Variants in NPC2 observed in about 807,000 individuals in gnomAD.
NPC2 encodes the protein NPC intracellular cholesterol transporter 2.
Under a neutral mutation model 17.0 loss-of-function variants are expected in NPC2, and 14 were observed. The ratio of observed to expected loss-of-function variants is 0.82; its 90% CI spans 0.54 to 1.29. The LOEUF (loss-of-function observed/expected upper bound fraction) is 1.29, where lower values mean the gene tolerates loss of function less well. NPC2 is among the 50% of genes most tolerant of loss of function. The pLI is 0.00. For missense variants in NPC2, 167 were observed against 183.4 expected (o/e 0.91, Z 0.52); for synonymous variants, 75 against 69.3 (o/e 1.08, Z -0.41).
Position 74,480,224 on chromosome 14 carries a change from A to C in NPC2, c.*50T>G, listed in dbSNP as rs2086640937. 6.2e-7 allele frequency: 1 copy of C among 1,614,162 alleles called. No individual in the cohort carries two copies. Among genetic ancestry groups the C allele is most frequent in the East Asian group, 2.2e-5 (1 of 44,884 alleles). Reference sequence around the variant, plus strand: ...AAGCAGCAGAGCTGGAGGTGCTGTCAAGAGTCTCAGCAGACTCATTGGCCA... The same window carrying C: ...AAGCAGCAGAGCTGGAGGTGCTGTCCAGAGTCTCAGCAGACTCATTGGCCA... On this transcript the variant is annotated 3_prime_UTR_variant, in exon 5 of 5. Transcript: ENST00000555619.
At position 74,479,963 on chromosome 14, in the gene NPC2, T is replaced by G; in HGVS notation, c.*311A>C. 3.0e-6 allele frequency: 4 copies of G among 1,319,752 alleles called. No individual in the cohort carries two copies. Among genetic ancestry groups the G allele is most frequent in the Non-Finnish European group, 3.9e-6 (4 of 1,028,174 alleles). 81.8% of individuals were successfully genotyped at this position (1,319,752 alleles called of 1,614,324 possible). On this transcript the variant is annotated 3_prime_UTR_variant, in exon 5 of 5. Transcript: ENST00000555619. ...CATGCAGAAGACAAGACAAACGAGT[T>G]TTTATTTATTCAAGAGTAAATTTCC... is the stretch of plus-strand genomic sequence containing the variant.
intron 3 of NPC2, 50 bp from the exon 4 acceptor site, chr14:74,480,829 C>T (rs200990026): frequency 6.9e-7 from 1 of 1,453,502 alleles, no homozygotes; most frequent in Admixed American, 1.7e-5. Flanking sequence ...GACCTGACTT[C>T]TATCCATAAT....
rs1438924785 is a variant in NPC2 at position 74,480,179 on chromosome 14, A to T, written c.*95T>A. On this transcript the variant is annotated 3_prime_UTR_variant, in exon 5 of 5. Transcript: ENST00000555619. ...TCAACGAATCACTGGATACCATTGG[A>T]GAGCAAGTCACTGTTGTTGAAGCAG... 1.9e-6 allele frequency: 3 copies of T among 1,613,026 alleles called. No homozygotes were observed. Among genetic ancestry groups the T allele is most frequent in the Non-Finnish European group, 2.5e-6 (3 of 1,179,670 alleles).
upstream of NPC2, chr14:74,493,499 G>C: frequency 1.1e-6 from 1 of 951,386 alleles, no homozygotes; most frequent in Admixed American, 2.5e-5. This position sits in a 1 kb window ranked among gnomAD's most constrained non-coding sequence, Gnocchi z 4.1. Flanking sequence ...TCAGAGGCCT[G>C]ACCCGCCCGG....
At position 74,480,030 on chromosome 14, in the gene NPC2, A is replaced by T. The variant is rs946800818; in HGVS notation, c.*244T>A. On this transcript the variant is annotated 3_prime_UTR_variant, in exon 5 of 5. Coordinates refer to ENST00000555619, the MANE Select transcript of NPC2 (RefSeq NM_006432.5). ...CACAAGTTAATGTTGTTAAAAAAAA[A>T]ATTAAACATCTGCTAACCAAGTGCT... 6 of 1,475,020 alleles carry T rather than the reference A, an allele frequency of 4.1e-6. No individual in the cohort carries two copies. In the African/African-American group the frequency reaches 8.5e-5, roughly 21 times the overall value. 91.4% of individuals were successfully genotyped at this position (1,475,020 alleles called of 1,614,324 possible).
At chr14:74,490,189 T>C (rs2086756634) in intron 1 of NPC2, among the ~76,000 whole-genome samples, 2 of 152,346 alleles carry the variant, frequency 1.3e-5, no homozygotes, top group South Asian at 4.1e-4. Context: ...GTCACCAGAT[T>C]AGCTCAGTAC....
At chr14:74,483,369 G>C (rs1468768515) in intron 3 of NPC2, 7 of 1,412,488 alleles carry the variant, frequency 5.0e-6, no homozygotes, top group Non-Finnish European at 7.0e-6. Flanking sequence ...TGACAGTGAT[G>C]GAACTGTGCC....
chr14:74,480,243 T>G lies in NPC2; in HGVS notation c.*31A>C. 1 of 1,614,174 alleles carries G rather than the reference T, an allele frequency of 6.2e-7. No homozygotes were observed. The highest frequency in any genetic ancestry group is 8.5e-7 in the Non-Finnish European group (1 of 1,180,026). ...GCTGTCAAGAGTCTCAGCAGACTCA[T>G]TGGCCAGATGCACCGAACTCAATGA... On this transcript the variant is annotated 3_prime_UTR_variant, in exon 5 of 5. Coordinates refer to ENST00000555619, the MANE Select transcript of NPC2 (RefSeq NM_006432.5).
upstream of NPC2, chr14:74,493,446 C>G: frequency 6.8e-7 from 1 of 1,462,282 alleles, no homozygotes; most frequent in Non-Finnish European, 9.3e-7. This position sits in a 1 kb window ranked among gnomAD's most constrained non-coding sequence, Gnocchi z 4.1. Context: ...AGCTCCAGCC[C>G]TCTCAGGCCC....
At chr14:74,483,302 A>T in intron 3 of NPC2, 1 of 1,238,146 alleles carries the variant, frequency 8.1e-7, no homozygotes, top group Non-Finnish European at 1.2e-6. Context: ...GGTTGGCAAT[A>T]AATGTGACCT....
chr14:74,483,857 C>T (rs1480637118), intron 3 of NPC2, among the ~76,000 whole-genome samples: 1 of 152,176 alleles, frequency 6.6e-6, no homozygotes, highest in Admixed American at 6.5e-5. Flanking sequence ...CTATCAAGCA[C>T]TAAAAAGTTG....
At chr14:74,487,573 C>T (rs57531765) in intron 1 of NPC2, among the ~76,000 whole-genome samples, 6 of 152,296 alleles carry the variant, frequency 3.9e-5, no homozygotes, top group African/African-American at 1.2e-4. Context: ...GGCCAAAAAC[C>T]GCACTTTATG....
chr14:74,489,829 T>A (rs1262707285), intron 1 of NPC2, among the ~76,000 whole-genome samples: 1 of 152,222 alleles, frequency 6.6e-6, no homozygotes, highest in African/African-American at 2.4e-5. Context: ...CTATCTCTGC[T>A]ACTTACTGTA....
At chr14:74,491,988 T>C (rs1354769161) in intron 1 of NPC2, among the ~76,000 whole-genome samples, 1 of 152,212 alleles carries the variant, frequency 6.6e-6, no homozygotes, top group Non-Finnish European at 1.5e-5. Context: ...CTGGTAATGA[T>C]ATCACTATTG....
intron 2 of NPC2, among the ~76,000 whole-genome samples, chr14:74,485,133 A>G (rs770503631): frequency 7.2e-5 from 11 of 151,824 alleles, no homozygotes; most frequent in Non-Finnish European, 1.3e-4. Flanking sequence ...TGTCTCTACT[A>G]AAACTACAAA....
rs2086658250 is a variant in NPC2 at position 74,481,777 on chromosome 14, T to TAACAAGTCAAGG, written c.364-999_364-998insCCTTGACTTGTT. ...TGTACTTCATCAGAAATCCCTGCCT[T>TAACAAGTCAAGG]GACTTGTTACACTCATATCACGTGA... is the stretch of plus-strand genomic sequence containing the variant. On this transcript the variant is annotated intron_variant, in intron 3 of 4. Coordinates refer to ENST00000555619, the MANE Select transcript of NPC2 (RefSeq NM_006432.5). 1.5e-4 allele frequency among the ~76,000 whole-genome samples: 23 copies of TAACAAGTCAAGG among 152,378 alleles called. 3 individuals carry two copies. Among genetic ancestry groups the TAACAAGTCAAGG allele is most frequent in the Admixed American group, 1.3e-3 (20 of 15,306 alleles).
Position 74,486,849 on chromosome 14 carries a change from G to T in NPC2, c.83-413C>A, listed in dbSNP as rs551527045. Among the ~76,000 whole-genome samples the T allele has an allele frequency of 5.3e-5, 8 of 152,186 alleles. 1 individual carries two copies. Among genetic ancestry groups the T allele is most frequent in the African/African-American group, 1.7e-4 (7 of 41,508 alleles). ...TTAAACTTAAACCTTGAAGACGTTT[G>T]CTTCAACCTTCCTTTGGATGAAAAT... On this transcript the variant is annotated intron_variant, in intron 1 of 4. Coordinates refer to ENST00000555619, the MANE Select transcript of NPC2 (RefSeq NM_006432.5).
At chr14:74,488,923 T>G (rs1161933726) in intron 1 of NPC2, among the ~76,000 whole-genome samples, 1 of 152,206 alleles carries the variant, frequency 6.6e-6, no homozygotes, top group Non-Finnish European at 1.5e-5. Flanking sequence ...CCATTTTCAC[T>G]GCACTTCTGC....
chr14:74,489,195 A>T (rs1287726035), intron 1 of NPC2, among the ~76,000 whole-genome samples: 1 of 152,226 alleles, frequency 6.6e-6, no homozygotes, highest in African/African-American at 2.4e-5. Context: ...AGCTGCATTA[A>T]AGAAGAATAC....
Sources: gnomAD v4.1 joint callset for allele counts (sites outside exome capture counted in the v4.1 genomes callset) on GRCh38, gnomAD v4.1.1 for gene constraint, Gnocchi (gnomAD v3.1) non-coding constraint, MANE v1.5 for transcripts, NCBI Gene and HGNC (gene_info 2026-07-23, HGNC 2026-07-21) for gene names.